The following SKIC3 variants were observed in gnomAD, a reference collection of about 807,000 sequenced individuals.
The protein encoded by SKIC3 is superkiller complex protein 3.
At chr5:95,494,599 T>C in the SKIC3 span, 5 of 1,328,950 alleles carry the variant, frequency 3.8e-6, no homozygotes, top group Admixed American at 1.7e-5. Context: ...ATATATATTG[T>C]GTGCAAGATT....
At chr5:95,483,185 A>G in the SKIC3 span, among the ~76,000 whole-genome samples, 5 of 152,110 alleles carry the variant, frequency 3.3e-5, no homozygotes, top group Non-Finnish European at 7.4e-5. Context: ...ACCTACATAC[A>G]TACATAAATG....
the SKIC3 span, among the ~76,000 whole-genome samples, chr5:95,496,205 A>T: frequency 6.6e-6 from 1 of 152,024 alleles, no homozygotes; most frequent in East Asian, 1.9e-4. Flanking sequence ...TTTAGTAGAG[A>T]CGGGGTTTTA....
chr5:95,500,234 T>G, the SKIC3 span, among the ~76,000 whole-genome samples: 12 of 152,170 alleles, frequency 7.9e-5, no homozygotes. Flanking sequence ...CTGAGTATTC[T>G]CCAAAGCGGA....
At chr5:95,549,354 T>C in the SKIC3 span, among the ~76,000 whole-genome samples, 2 of 152,012 alleles carry the variant, frequency 1.3e-5, no homozygotes, top group Non-Finnish European at 2.9e-5. Flanking sequence ...GAGCCTCAGA[T>C]TACAGATCCT....
At chr5:95,503,811 T>C in the SKIC3 span, 2 of 1,613,714 alleles carry the variant, frequency 1.2e-6, no homozygotes, top group South Asian at 1.1e-5. Context: ...GCAATATACT[T>C]ACCTTTGCTG....
At chr5:95,524,813 C>T in the SKIC3 span, among the ~76,000 whole-genome samples, 1 of 152,030 alleles carries the variant, frequency 6.6e-6, no homozygotes, top group South Asian at 2.1e-4. Context: ...TTTAGCACTA[C>T]CATGTGCTAA....
At chr5:95,519,191 A>G in the SKIC3 span, among the ~76,000 whole-genome samples, 1 of 152,046 alleles carries the variant, frequency 6.6e-6, no homozygotes, top group Non-Finnish European at 1.5e-5. Flanking sequence ...AATATTAATT[A>G]TGGTGACAGA....
chr5:95,507,354 T>C, the SKIC3 span, among the ~76,000 whole-genome samples: 1 of 152,218 alleles, frequency 6.6e-6, no homozygotes, highest in Non-Finnish European at 1.5e-5. Flanking sequence ...CTTGAAACTA[T>C]TTATATATTA....
chr5:95,473,478 G>C, the SKIC3 span, among the ~76,000 whole-genome samples: 25 of 152,250 alleles, frequency 1.6e-4, no homozygotes, highest in South Asian at 5.2e-3. Flanking sequence ...ATTTTGCCAA[G>C]TTGTCCAGGC....
the SKIC3 span, among the ~76,000 whole-genome samples, chr5:95,513,992 T>C: frequency 6.6e-6 from 1 of 152,218 alleles, no homozygotes; most frequent in Non-Finnish European, 1.5e-5. Flanking sequence ...TTGGACTCCC[T>C]GGGTTCAATG....
At chr5:95,502,622 G>A in the SKIC3 span, among the ~76,000 whole-genome samples, 5 of 152,096 alleles carry the variant, frequency 3.3e-5, no homozygotes, top group Non-Finnish European at 5.9e-5. Flanking sequence ...ATTATCAGGT[G>A]ATCAGTTTCT....
At chr5:95,466,118 T>C in the SKIC3 span, among the ~76,000 whole-genome samples, 2 of 152,334 alleles carry the variant, frequency 1.3e-5, no homozygotes, top group Non-Finnish European at 2.9e-5. Context: ...GTGATTTTCA[T>C]TGTGTTTTTA....
the SKIC3 span, among the ~76,000 whole-genome samples, chr5:95,530,666 T>C: frequency 1.3e-5 from 2 of 152,168 alleles, no homozygotes; most frequent in South Asian, 2.1e-4. Flanking sequence ...GATCACAAGA[T>C]AGGCGGGTTA....
At chr5:95,494,847 A>G in the SKIC3 span, 2 of 1,603,614 alleles carry the variant, frequency 1.2e-6, no homozygotes, top group East Asian at 4.5e-5. Flanking sequence ...CTCTCTTTCA[A>G]ACTGACTAAA....
the SKIC3 span, chr5:95,516,715 A>T: frequency 6.2e-7 from 1 of 1,613,420 alleles, no homozygotes; most frequent in Non-Finnish European, 8.5e-7. Flanking sequence ...AGTATAAGTG[A>T]TTATTACTGT....
the SKIC3 span, among the ~76,000 whole-genome samples, chr5:95,517,569 T>G: frequency 1.3e-5 from 2 of 152,134 alleles, no homozygotes; most frequent in Admixed American, 6.6e-5. Context: ...TCACCATTTT[T>G]ATTAGAAGTA....
the SKIC3 span, chr5:95,512,721 C>A: frequency 1.5e-6 from 2 of 1,337,816 alleles, no homozygotes; most frequent in Non-Finnish European, 1.1e-6. Flanking sequence ...AATATCACAT[C>A]TCAGTGTTCT....
chr5:95,528,668 C>A, the SKIC3 span, among the ~76,000 whole-genome samples: 1 of 152,116 alleles, frequency 6.6e-6, no homozygotes, highest in African/African-American at 2.4e-5. Context: ...TTTCCCCTCT[C>A]TATATGAGAG....
chr5:95,526,575 G>T, the SKIC3 span, among the ~76,000 whole-genome samples: 14 of 152,052 alleles, frequency 9.2e-5, no homozygotes, highest in African/African-American at 3.1e-4. Flanking sequence ...CTGGCTTCAA[G>T]CGATTCTCCT....
Sources: allele counts gnomAD v4.1 joint callset (sites outside exome capture counted in the v4.1 genomes callset), GRCh38; gene constraint gnomAD v4.1.1; transcripts MANE v1.5; gene names NCBI Gene and HGNC (gene_info 2026-07-23, HGNC 2026-07-21).